SNX24: variants seen among roughly 807,000 people sequenced by gnomAD.
The protein encoded by SNX24 is sorting nexin-24.
A neutral mutation model predicts 28.7 loss-of-function variants in SNX24; 22 were observed. That is an observed-to-expected ratio of 0.77 (90% CI 0.55 to 1.10). The LOEUF is 1.10. Ranked by LOEUF, SNX24 falls within the 50% of genes least tolerant of loss-of-function variation. The probability of loss-of-function intolerance (pLI) is 0.00; values close to 1 mark genes in which losing one functional copy is unlikely to be tolerated. For synonymous variants in SNX24, 69 were observed against 71.5 expected, an observed-to-expected ratio of 0.96 and a Z score of 0.18; for missense variants, 221 against 201.1, an observed-to-expected ratio of 1.10 and a Z score of -0.60.
chr5:122,903,429 A>T, intron 1 of SNX24, among the ~76,000 whole-genome samples: 1 of 152,048 alleles, frequency 6.6e-6, no homozygotes, highest in Admixed American at 6.6e-5. Context: ...CTGCACTTTT[A>T]ATGTACCCTG....
intron 6 of SNX24, among the ~76,000 whole-genome samples, chr5:123,003,445 A>T (rs978823236): frequency 1.3e-5 from 2 of 152,082 alleles, no homozygotes; most frequent in Admixed American, 6.6e-5. Flanking sequence ...TCTAATATAG[A>T]TTAAATAGAT....
At chr5:122,875,616 A>C (rs1225060254) in intron 1 of SNX24, among the ~76,000 whole-genome samples, 3 of 152,258 alleles carry the variant, frequency 2.0e-5, no homozygotes, top group African/African-American at 7.2e-5. Flanking sequence ...TTCCTAGCAC[A>C]GTGCAAGGCA....
At chr5:123,014,565 T>A (rs1762649489) in intron 5 of SNX24, among the ~76,000 whole-genome samples, 1 of 152,106 alleles carries the variant, frequency 6.6e-6, no homozygotes, top group African/African-American at 2.4e-5. Context: ...GCAAAGTGCT[T>A]TCCCATCTCA....
At chr5:122,904,546 T>G (rs533104727) in intron 1 of SNX24, among the ~76,000 whole-genome samples, 45 of 152,298 alleles carry the variant, frequency 3.0e-4, no homozygotes, top group Middle Eastern at 3.4e-3. Context: ...TTTTTAATTA[T>G]TTTAAGTTCT....
chr5:122,986,361 G>T (rs562015752), intron 3 of SNX24, among the ~76,000 whole-genome samples: 42 of 152,262 alleles, frequency 2.8e-4, no homozygotes, highest in African/African-American at 1.0e-3. Context: ...GCAGTTAGTG[G>T]ACTTAGGGAG....
intron 3 of SNX24, among the ~76,000 whole-genome samples, chr5:122,970,029 G>C (rs541931726): frequency 1.3e-5 from 2 of 152,026 alleles, no homozygotes; most frequent in East Asian, 3.9e-4. Flanking sequence ...TGCCCTGGAA[G>C]CTATTTGTGA....
At chr5:123,014,069 T>C (rs1419950210), downstream of SNX24, among the ~76,000 whole-genome samples, 1 of 152,226 alleles carries the variant, frequency 6.6e-6, no homozygotes. Flanking sequence ...TTTAAAGTGA[T>C]TAAAAGGAAG....
chr5:122,980,094 A>T (rs1467178113), intron 3 of SNX24, among the ~76,000 whole-genome samples: 1 of 152,232 alleles, frequency 6.6e-6, no homozygotes, highest in Non-Finnish European at 1.5e-5. Context: ...AACAATATGA[A>T]GAAATAGTAA....
At chr5:122,896,476 T>G (rs1276667062) in intron 1 of SNX24, among the ~76,000 whole-genome samples, 1 of 152,232 alleles carries the variant, frequency 6.6e-6, no homozygotes, top group African/African-American at 2.4e-5. Flanking sequence ...CCTACCATGT[T>G]GCCTTTGGTG....
chr5:122,889,653 ATATATATGTGTATATATATATGTG>A (rs1335904150), intron 1 of SNX24, among the ~76,000 whole-genome samples: 1 of 147,404 alleles, frequency 6.8e-6, no homozygotes, highest in African/African-American at 2.5e-5. Flanking sequence ...ATACATATGT[ATATATATGTGTATATATATATGTG>A]TATATATATG....
At chr5:122,862,622 GAA>G (rs1755521445) in intron 1 of SNX24, among the ~76,000 whole-genome samples, 1 of 145,874 alleles carries the variant, frequency 6.9e-6, no homozygotes, top group Non-Finnish European at 1.5e-5. Flanking sequence ...AAAAAAAAGA[GAA>G]AGGAAGGAAA....
chr5:122,900,233 T>C (rs908062762), intron 1 of SNX24, among the ~76,000 whole-genome samples: 7 of 151,918 alleles, frequency 4.6e-5, no homozygotes, highest in African/African-American at 1.2e-4. Flanking sequence ...GCCCAGGCTG[T>C]GATGTTTTTG....
chr5:122,937,164 G>A (rs1468473594), intron 2 of SNX24, among the ~76,000 whole-genome samples: 1 of 152,186 alleles, frequency 6.6e-6, no homozygotes. Flanking sequence ...GGGAGAAAAA[G>A]CAAATGATTA....
chr5:122,855,903 G>T (rs976296026), intron 1 of SNX24, among the ~76,000 whole-genome samples: 1 of 152,176 alleles, frequency 6.6e-6, no homozygotes, highest in Admixed American at 6.5e-5. Flanking sequence ...GAGAGACAGG[G>T]AATTGCTGGT....
chr5:122,957,305 T>C (rs964880374), intron 3 of SNX24, among the ~76,000 whole-genome samples: 5 of 152,196 alleles, frequency 3.3e-5, no homozygotes, highest in African/African-American at 1.2e-4. Flanking sequence ...TTGGCACTCT[T>C]CTCAAAAAAC....
intron 3 of SNX24, among the ~76,000 whole-genome samples, chr5:122,969,887 G>T (rs1019651878): frequency 6.6e-6 from 1 of 151,960 alleles, no homozygotes; most frequent in Non-Finnish European, 1.5e-5. Flanking sequence ...CTTTGTCTCT[G>T]CACCACCCAC....
intron 6 of SNX24, among the ~76,000 whole-genome samples, chr5:123,002,361 G>A (rs1050985935): frequency 1.1e-4 from 16 of 151,858 alleles, no homozygotes; most frequent in African/African-American, 3.4e-4. Context: ...GCCTCTTCCC[G>A]GCCAGGCATT....
chr5:122,956,190 G>A (rs1228555069), intron 3 of SNX24, among the ~76,000 whole-genome samples: 1 of 151,990 alleles, frequency 6.6e-6, no homozygotes, highest in East Asian at 1.9e-4. Context: ...ATTTTCTGCA[G>A]CTATAATAGA....
chr5:122,987,360 G>A (rs1392529869), intron 3 of SNX24, among the ~76,000 whole-genome samples: 10 of 152,252 alleles, frequency 6.6e-5, no homozygotes, highest in South Asian at 4.1e-4. Flanking sequence ...AACTCTCTGG[G>A]TTGGACCAAG....
Sources: allele counts gnomAD v4.1 joint callset (sites outside exome capture counted in the v4.1 genomes callset), GRCh38; gene constraint gnomAD v4.1.1; transcripts MANE v1.5; gene names NCBI Gene and HGNC (gene_info 2026-07-23, HGNC 2026-07-21).